The following BRCA1 variants were observed in gnomAD, a reference collection of about 807,000 sequenced individuals.
BRCA1 encodes BRCA1 DNA repair associated, also known as breast cancer type 1 susceptibility protein.
A neutral mutation model predicts 173.7 loss-of-function variants in BRCA1; 140 were observed. The observed-to-expected ratio is 0.81, with a 90% CI of 0.70 to 0.93. BRCA1 has a LOEUF of 0.93. Ranked by LOEUF, BRCA1 falls within the 40% of genes least tolerant of loss-of-function variation. The pLI is 0.00. For synonymous variants in BRCA1, 662 were observed against 756.0 expected (o/e 0.88, Z 2.04); for missense variants, 1,983 against 2,172.5 (o/e 0.91, Z 1.73).
In BRCA1 at chr17:43,142,984, A is replaced by ATATATATG. The variant is rs777155047; in HGVS notation, c.-19-18877_-19-18870dup. On this transcript the variant is annotated intron_variant, in intron 1 of 7. Coordinates refer to the BRCA1 transcript ENST00000634433. Reference sequence around the variant, plus strand: ...TGTGTGTGTATATATATGTGTGTATATATATATGTATATATGTATATATGT... The same window carrying ATATATATG: ...TGTGTGTGTATATATATGTGTGTATATATATATGTATATATGTATATATGTATATATGT... Among the ~76,000 whole-genome samples, 561 of 149,514 alleles carry ATATATATG rather than the reference A, an allele frequency of 3.8e-3. 5 individuals carry two copies. Among genetic ancestry groups the ATATATATG allele is most frequent in the African/African-American group, 0.013 (539 of 40,722 alleles).
intron 1 of BRCA1, among the ~76,000 whole-genome samples, chr17:43,137,077 T>C (rs967551959): frequency 2.0e-5 from 3 of 152,076 alleles, no homozygotes; most frequent in African/African-American, 7.2e-5. Flanking sequence ...GTGGCACATA[T>C]ACACCATAAT....
intron 2 of BRCA1, among the ~76,000 whole-genome samples, chr17:43,123,145 T>C (rs2055660160): frequency 6.6e-6 from 1 of 151,848 alleles, no homozygotes; most frequent in Non-Finnish European, 1.5e-5. Context: ...GTGGGAGGAT[T>C]GCTTGAGCCT....
At position 43,071,164 on chromosome 17, in the gene BRCA1, C is replaced by A. The variant is rs80357070; in HGVS notation, c.4750G>T (p.Ala1584Ser). Reference sequence around the variant, plus strand: ...TTGCCAACACGAGCTGACTCTGGGGCTCTGTCTTCAGAAGGATCAGATTCA... The same window carrying A: ...TTGCCAACACGAGCTGACTCTGGGGATCTGTCTTCAGAAGGATCAGATTCA... ...DPESDPSEDR[A>S]PESARVGNIP... is the part of the protein sequence containing the mutation. The change falls in exon 15 of 23, where the codon GCC becomes TCC. Residue 1584 changes from alanine (A) to serine (S), a missense_variant. Ala to Ser is a moderately conservative substitution (Grantham distance 99, BLOSUM62 1). Transcript: ENST00000357654. 1.8e-5 allele frequency: 29 copies of A among 1,614,084 alleles called. No homozygotes were observed. The highest frequency in any genetic ancestry group is 2.4e-5 in the Non-Finnish European group (28 of 1,180,046).
Position 43,085,750 on chromosome 17 carries a change from G to C in BRCA1, c.4186-3175C>G, listed in dbSNP as rs187689327. Among the ~76,000 whole-genome samples the C allele has an allele frequency of 3.3e-5, 5 of 152,242 alleles. No homozygotes were observed. The East Asian group carries it at 9.6e-4, about 29-fold the overall frequency. ...GGCAGAATGTGGCTAATTCTAATAA[G>C]ACTCCTGAAATGTGCAGCAGAGCAG... On this transcript the variant is annotated intron_variant, in intron 11 of 22. Coordinates refer to ENST00000357654, the MANE Select transcript of BRCA1 (RefSeq NM_007294.4).
intron 19 of BRCA1, among the ~76,000 whole-genome samples, chr17:43,051,486 T>G (rs1160254362): frequency 1.3e-5 from 2 of 152,192 alleles, no homozygotes; most frequent in Non-Finnish European, 2.9e-5. Flanking sequence ...TCCTTCTGTA[T>G]GTTTAATAAG....
intron 15 of BRCA1, 122 bp from the exon 16 acceptor site, chr17:43,067,817 C>T (rs2153726882): frequency 1.6e-6 from 1 of 633,918 alleles, no homozygotes; most frequent in Non-Finnish European, 2.6e-6. Flanking sequence ...TACACGTGTC[C>T]TGGAACTATT....
chr17:43,132,410 A>G (rs1216771218), intron 1 of BRCA1, among the ~76,000 whole-genome samples: 1 of 152,136 alleles, frequency 6.6e-6, no homozygotes, highest in Non-Finnish European at 1.5e-5. Flanking sequence ...TATGGGATAG[A>G]GGTGAGATCC....
intron 2 of BRCA1, among the ~76,000 whole-genome samples, chr17:43,117,889 T>C (rs1404198010): frequency 6.6e-6 from 1 of 152,242 alleles, no homozygotes; most frequent in Non-Finnish European, 1.5e-5. Flanking sequence ...TCTACTACTA[T>C]ATTCAAGTAC....
rs876660684 is a variant in BRCA1, at chr17:43,082,428, G to T, written c.4333C>A (p.Pro1445Thr). ...CCTTTTTCTGATGTGCTTTGTTCTG[G>T]ATTTCGCAGGTCCTCAAGGGCAGAA... ...DSSALEDLRNPEQSTSEKAVL... is the reference protein window; with the variant it reads ...DSSALEDLRNTEQSTSEKAVL... The change falls in exon 12 of 23, where the codon CCA becomes ACA. Residue 1445 changes from proline (P) to threonine (T), a missense_variant. Transcript: ENST00000357654. The T allele has an allele frequency of 1.9e-6, 3 of 1,614,102 alleles. No individual in the cohort carries two copies. Among genetic ancestry groups the T allele is most frequent in the Non-Finnish European group, 2.5e-6 (3 of 1,180,000 alleles).
rs80358109 is a variant in BRCA1, at chr17:43,063,399, T to C, written c.5153-26A>G. 8 of 1,594,170 alleles carry C rather than the reference T, an allele frequency of 5.0e-6. No individual in the cohort carries two copies. Among genetic ancestry groups the C allele is most frequent in the Middle Eastern group, 1.7e-4 (1 of 6,026 alleles). On this transcript the variant is annotated intron_variant, in intron 17 of 22. Coordinates refer to ENST00000357654, the MANE Select transcript of BRCA1 (RefSeq NM_007294.4). ...CTAAAGAGATCATAGAAAAGACAGGTTACATACAGCAGAAGAACGTGCTCT... is the reference window on the plus strand; with the variant it reads ...CTAAAGAGATCATAGAAAAGACAGGCTACATACAGCAGAAGAACGTGCTCT...
At chr17:43,084,277 G>A (rs1359532421) in intron 11 of BRCA1, among the ~76,000 whole-genome samples, 7 of 152,190 alleles carry the variant, frequency 4.6e-5, no homozygotes, top group African/African-American at 1.7e-4. Context: ...TGATCCTCCC[G>A]CCTCGGCCTC....
intron 22 of BRCA1, 124 bp downstream of exon 22, chr17:43,047,519 C>G: frequency 2.1e-6 from 2 of 955,576 alleles, no homozygotes; most frequent in Non-Finnish European, 3.4e-6. Context: ...GACATTTTAG[C>G]CATTCATTCA....
chr17:43,070,002 C>T (rs975266427), intron 15 of BRCA1, among the ~76,000 whole-genome samples: 4 of 152,116 alleles, frequency 2.6e-5, no homozygotes, highest in Non-Finnish European at 4.4e-5. Flanking sequence ...GGTGCAATCT[C>T]GGCTCACCGC....
At chr17:43,163,792 AG>A (rs2056250743) in intron 1 of BRCA1, 1 of 152,236 alleles carries the variant, frequency 6.6e-6, no homozygotes, top group Admixed American at 6.5e-5. Flanking sequence ...GCATCCTTTC[AG>A]GTCTCCAAGG....
At chr17:43,091,095 G>A (rs2154260570) in intron 10 of BRCA1, 63 bp from the exon 11 acceptor site, 1 of 1,433,528 alleles carries the variant, frequency 7.0e-7, no homozygotes, top group Non-Finnish European at 9.7e-7. Context: ...AACTTGCTGT[G>A]TCTTTTTCTT....
Position 43,093,347 on chromosome 17 carries a change from T to A in BRCA1, c.2184A>T (p.Arg728Ser), listed in dbSNP as rs2154395074. The A allele has an allele frequency of 6.2e-7, 1 of 1,613,538 alleles. No individual in the cohort carries two copies. The highest frequency in any genetic ancestry group is 8.5e-7 in the Non-Finnish European group (1 of 1,179,874). ...TTTCTAGTTTCTCTTCTTTTTCTTC[T>A]CTTGGAAGGCTAGGATTGACAAATT... The part of the protein sequence containing the change: ...LKEFVNPSLP[R>S]EEKEEKLETV... The change falls in exon 10 of 23, where the codon AGA becomes AGT. Residue 728 changes from arginine (R) to serine (S), a missense_variant. Transcript: ENST00000357654.
In BRCA1 at chr17:43,103,746, GA is replaced by G. The variant is rs2054591398; in HGVS notation, c.441+375del. ...TCACTAACTTTTTATATAAATCTAT[GA>G]GCATCTAGCACATTCACTAACATAT... is the stretch of plus-strand genomic sequence containing the variant. On this transcript the variant is annotated intron_variant, in intron 6 of 22. Coordinates refer to ENST00000357654, the MANE Select transcript of BRCA1 (RefSeq NM_007294.4). Among the ~76,000 whole-genome samples, 9 of 152,120 alleles carry G rather than the reference GA, an allele frequency of 5.9e-5. 1 individual carries two copies. In the South Asian group the frequency reaches 1.9e-3, roughly 32 times the overall value.
chr17:43,103,340 C>A (rs182981347), intron 6 of BRCA1, among the ~76,000 whole-genome samples: 6 of 151,918 alleles, frequency 3.9e-5, no homozygotes, highest in African/African-American at 1.4e-4. Flanking sequence ...GGTGTCGTAC[C>A]CCTGTAGTCC....
At chr17:43,159,321 A>G (rs2056218847) in intron 1 of BRCA1, 1 of 161,624 alleles carries the variant, frequency 6.2e-6, no homozygotes, top group Non-Finnish European at 1.3e-5. Context: ...CAGGGGGCTG[A>G]CCCCCCCACC....
Sources: allele counts gnomAD v4.1 joint callset (sites outside exome capture counted in the v4.1 genomes callset), GRCh38; gene constraint gnomAD v4.1.1; transcripts MANE v1.5; gene names NCBI Gene and HGNC (gene_info 2026-07-23, HGNC 2026-07-21).